Variants in TUBGCP6 observed in about 807,000 individuals in gnomAD.
TUBGCP6 encodes gamma-tubulin complex component 6.
Under a neutral mutation model 175.8 loss-of-function variants are expected in TUBGCP6, and 161 were observed. That is an observed-to-expected ratio of 0.92 (90% confidence interval 0.81 to 1.04). The LOEUF (loss-of-function observed/expected upper bound fraction) is 1.04, where lower values mean the gene tolerates loss of function less well. TUBGCP6 is among the 50% of genes least tolerant of loss of function. The pLI is 0.00. For missense variants in TUBGCP6, 2,572 were observed against 2,433.0 expected (o/e 1.06, Z -1.20); for synonymous variants, 1,173 against 1,030.5 (o/e 1.14, Z -2.65).
chr22:50,242,173 T>C (rs1382295634), intron 1 of TUBGCP6, among the ~76,000 whole-genome samples: 1 of 151,934 alleles, frequency 6.6e-6, no homozygotes, highest in Non-Finnish European at 1.5e-5. Flanking sequence ...GCACCTGTAG[T>C]CCCAGCTACT....
chr22:50,226,157 T>C lies in TUBGCP6; in HGVS notation c.1726A>G (p.Ile576Val). The C allele has an allele frequency of 6.2e-7, 1 of 1,614,130 alleles. No homozygotes were observed. The change falls in exon 9 of 25, where the codon ATC (isoleucine) becomes GTC (valine). Residue 576 changes from isoleucine to valine, a missense_variant. Coordinates refer to ENST00000248846, the MANE Select transcript of TUBGCP6 (RefSeq NM_020461.4). ...ACACAGTCCTCCACCTCTTTGGAGA[T>C]GAGCACGTAGCCATGTGTCCAGTAC... ...KLYWTHGYVL[I>V]SKEVEDCVPV...
At chr22:50,222,704 C>T in intron 13 of TUBGCP6, 112 bp from the exon 14 acceptor site, 1 of 1,433,884 alleles carries the variant, frequency 7.0e-7, no homozygotes, top group South Asian at 1.3e-5. Flanking sequence ...TGGGCCCCCG[C>T]CCCCGTCTCC....
Position 50,244,356 on chromosome 22 carries a change from C to T in TUBGCP6, c.104G>A (p.Arg35Gln), listed in dbSNP as rs139896192. The part of the protein sequence containing the change: ...QRSVNRKRAK[R>Q]SLKKVAYNAL... The stretch of plus-strand genomic sequence containing the variant: ...ATTGTAGGCCACCTTCTTGAGGCTC[C>T]GCTTTGCCCTCTTCCGGTTCACACT... Residue 35 changes from arginine (R) to glutamine (Q), a missense_variant, in exon 1 of 25, where the codon CGG becomes CAG. By Grantham distance (43) the Arg-to-Gln change is conservative. Coordinates refer to ENST00000248846, the MANE Select transcript of TUBGCP6 (RefSeq NM_020461.4). The T allele has an allele frequency of 1.2e-4, 194 of 1,613,458 alleles. 1 individual carries two copies. In the African/African-American group the frequency reaches 2.4e-3, roughly 20 times the overall value.
At chr22:50,224,306 AC>A (rs750500924) in intron 12 of TUBGCP6, 25 bp downstream of exon 12, 11 of 1,614,120 alleles carry the variant, frequency 6.8e-6, no homozygotes, top group Non-Finnish European at 5.1e-6. Context: ...GACAGGCGTG[AC>A]CCCGCAGGGA....
At chr22:50,228,098 C>T (rs919113291) in intron 4 of TUBGCP6, 70 bp from the exon 5 acceptor site, 40 of 1,454,838 alleles carry the variant, frequency 2.7e-5, no homozygotes, top group South Asian at 1.9e-4. Flanking sequence ...GCCTGAGGGG[C>T]ACCAGTGCTG....
At chr22:50,224,091 G>T (rs772584794) in intron 13 of TUBGCP6, 50 bp downstream of exon 13, 73 of 1,543,766 alleles carry the variant, frequency 4.7e-5, no homozygotes, top group Non-Finnish European at 4.4e-6. Flanking sequence ...CCAGAGCTAT[G>T]GGGCCCCTGC....
chr22:50,224,803 G>A (rs540290410), intron 10 of TUBGCP6, among the ~76,000 whole-genome samples: 7 of 152,182 alleles, frequency 4.6e-5, no homozygotes, highest in African/African-American at 9.6e-5. Flanking sequence ...ACTATTTGGC[G>A]GGGGTCAGGG....
chr22:50,236,202 C>A (rs1296446117), intron 2 of TUBGCP6, among the ~76,000 whole-genome samples: 26 of 151,930 alleles, frequency 1.7e-4, no homozygotes, highest in Non-Finnish European at 3.1e-4. Context: ...GTGGCACGAT[C>A]TTGGCCCATT....
chr22:50,243,817 A>G lies in TUBGCP6; in HGVS notation c.643T>C (p.Phe215Leu), dbSNP rs753511810. Reference protein sequence around the residue: ...RFERDTRVSLFGALVHSRTYD... With the variant: ...RFERDTRVSLLGALVHSRTYD... ...GTGCGGCTGTGCACAAGGGCCCCGA[A>G]GAGCGAGACCCGGGTGTCTCTCTCG... is the stretch of plus-strand genomic sequence containing the variant. The change falls in exon 1 of 25, where the codon TTC (phenylalanine) becomes CTC (leucine). Residue 215 changes from phenylalanine (F) to leucine (L), a missense_variant. Phe to Leu is a conservative substitution (Grantham distance 22, BLOSUM62 0). Coordinates refer to ENST00000248846, the MANE Select transcript of TUBGCP6 (RefSeq NM_020461.4). The G allele has an allele frequency of 8.7e-6, 14 of 1,613,680 alleles. No individual in the cohort carries two copies. The Admixed American group carries it at 2.3e-4, about 27-fold the overall frequency.
chr22:50,221,871 T>C lies in TUBGCP6; in HGVS notation c.2488A>G (p.Thr830Ala). 1 of 1,514,376 alleles carries C rather than the reference T, an allele frequency of 6.6e-7. No individual in the cohort carries two copies. Among genetic ancestry groups the C allele is most frequent in the Non-Finnish European group, 8.8e-7 (1 of 1,131,600 alleles). 93.8% of individuals were successfully genotyped at this position (1,514,376 alleles called of 1,614,324 possible). ...TCTGGGTGCTCAGGGCCCGGAGACGTGACCTGAAACACAGGTGACATCAGA... is the reference window on the plus strand; with the variant it reads ...TCTGGGTGCTCAGGGCCCGGAGACGCGACCTGAAACACAGGTGACATCAGA... ...DVLLSVHPQVTSPGPEHPEGG... is the reference protein window; with the variant it reads ...DVLLSVHPQVASPGPEHPEGG... The change falls in exon 16 of 25, where the codon ACG becomes GCG. Residue 830 changes from threonine to alanine, a missense_variant. Physicochemically the swap from Thr to Ala is moderately conservative, Grantham distance 58 (BLOSUM62 0). Coordinates refer to ENST00000248846, the MANE Select transcript of TUBGCP6 (RefSeq NM_020461.4).
Position 50,222,689 on chromosome 22 carries a change from C to T in TUBGCP6, c.2271-97G>A, listed in dbSNP as rs1437953016. The T allele has an allele frequency of 5.9e-6, 9 of 1,520,546 alleles. No individual in the cohort carries two copies. In the South Asian group the frequency reaches 6.0e-5, roughly 10 times the overall value. 94.2% of individuals were successfully genotyped at this position (1,520,546 alleles called of 1,614,324 possible). On this transcript the variant is annotated intron_variant, in intron 13 of 24. Transcript: ENST00000248846. Reference sequence around the variant, plus strand: ...CAGGATGGTTCTCCATAACAGAGGCCCCAGTGGGCCCCCGCCCCCGTCTCC... The same window carrying T: ...CAGGATGGTTCTCCATAACAGAGGCTCCAGTGGGCCCCCGCCCCCGTCTCC...
intron 1 of TUBGCP6, among the ~76,000 whole-genome samples, chr22:50,241,007 G>A (rs113872034): frequency 0.15 from 23,565 of 152,238 alleles, 1,896 homozygotes; most frequent in South Asian, 0.3. Flanking sequence ...CCCAGGTGCC[G>A]AGGCAAGAGA....
At chr22:50,238,545 T>G (rs200881467) in intron 2 of TUBGCP6, among the ~76,000 whole-genome samples, 1,311 of 10,706 alleles carry the variant, frequency 0.12, 10 homozygotes, top group African/African-American at 0.47. Flanking sequence ...TTTTTTTTTG[T>G]TTTTTTTTTT....
At position 50,226,150 on chromosome 22, in the gene TUBGCP6, T is replaced by C. The variant is rs2064604619; in HGVS notation, c.1733A>G (p.Lys578Arg). The change falls in exon 9 of 25, where the codon AAA becomes AGA. Residue 578 changes from lysine to arginine, a missense_variant. Physicochemically the swap from Lys to Arg is conservative, Grantham distance 26 (BLOSUM62 2). Coordinates refer to ENST00000248846, the MANE Select transcript of TUBGCP6 (RefSeq NM_020461.4). ...CACGGGAACACAGTCCTCCACCTCT[T>C]TGGAGATGAGCACGTAGCCATGTGT... ...YWTHGYVLIS[K>R]EVEDCVPVFL... 1 of 1,614,004 alleles carries C rather than the reference T, an allele frequency of 6.2e-7. No homozygotes were observed. Among genetic ancestry groups the C allele is most frequent in the Non-Finnish European group, 8.5e-7 (1 of 1,180,024 alleles).
Position 50,221,644 on chromosome 22 carries a change from C to G in TUBGCP6, c.2715G>C (p.Gly905=), listed in dbSNP as rs373027351. 2.4e-5 allele frequency: 36 copies of G among 1,525,294 alleles called. No individual in the cohort carries two copies. The highest frequency in any genetic ancestry group is 2.8e-5 in the Non-Finnish European group (32 of 1,136,724). 94.5% of individuals were successfully genotyped at this position (1,525,294 alleles called of 1,614,324 possible). Residue 905 remains glycine (G), a synonymous_variant, in exon 16 of 25, where the codon GGG becomes GGC. Coordinates refer to ENST00000248846, the MANE Select transcript of TUBGCP6 (RefSeq NM_020461.4). ...TGCCAGTCTGCACGGACGGCTCAGCCCCTGGGCCCACAGGTAGGAAGTCTC... is the reference window on the plus strand; with the variant it reads ...TGCCAGTCTGCACGGACGGCTCAGCGCCTGGGCCCACAGGTAGGAAGTCTC... The part of the protein sequence containing the change: ...SIGDFLPVGP[G]AEPSVQTGMV...
At chr22:50,233,612 G>C in intron 2 of TUBGCP6, 86 bp from the exon 3 acceptor site, 1 of 1,280,904 alleles carries the variant, frequency 7.8e-7, no homozygotes. Flanking sequence ...GAATGGGCAT[G>C]AACAGAAGAA....
chr22:50,218,981 C>T, intron 20 of TUBGCP6, 84 bp from the exon 21 acceptor site: 2 of 1,590,620 alleles, frequency 1.3e-6, no homozygotes, highest in Non-Finnish European at 1.7e-6. Context: ...TGTGCCAGAG[C>T]AGCAGGGGGC....
rs2064659894 is a variant in TUBGCP6, at chr22:50,229,397, G to A, written c.1290+7C>T. 1.2e-6 allele frequency: 2 copies of A among 1,612,978 alleles called. No individual in the cohort carries two copies. The highest frequency in any genetic ancestry group is 2.2e-5 in the South Asian group (2 of 90,946). On this transcript the variant is annotated splice_region_variant and intron_variant, in intron 4 of 24. Transcript: ENST00000248846. ...GGTGTGTGACAACCATGAGGCAAAG[G>A]CCATACCTGGAACACGAGGCCCTTG... is the stretch of plus-strand genomic sequence containing the variant.
Position 50,221,517 on chromosome 22 carries a change from G to C in TUBGCP6, c.2842C>G (p.Pro948Ala). The C allele has an allele frequency of 6.3e-7, 1 of 1,584,502 alleles. No homozygotes were observed. Among genetic ancestry groups the C allele is most frequent in the Non-Finnish European group, 8.6e-7 (1 of 1,164,386 alleles). The change falls in exon 16 of 25, where the codon CCA becomes GCA. Residue 948 changes from proline to alanine, a missense_variant. Pro to Ala is a conservative substitution (Grantham distance 27). Coordinates refer to ENST00000248846, the MANE Select transcript of TUBGCP6 (RefSeq NM_020461.4). Reference sequence around the variant, plus strand: ...ACAGTACTAAAGTCGTACTCCTGTGGCCTGGAGGGCTGAGTGCTGGCTGCT... The same window carrying C: ...ACAGTACTAAAGTCGTACTCCTGTGCCCTGGAGGGCTGAGTGCTGGCTGCT... ...PAAASTQPSRPQEYDFSTVLR... is the reference protein window; with the variant it reads ...PAAASTQPSRAQEYDFSTVLR...
Sources: allele counts gnomAD v4.1 joint callset (sites outside exome capture counted in the v4.1 genomes callset), GRCh38; gene constraint gnomAD v4.1.1; transcripts MANE v1.5; gene names NCBI Gene and HGNC (gene_info 2026-07-23, HGNC 2026-07-21).